The following TCF12 variants were observed in gnomAD, a reference collection of about 807,000 sequenced individuals.
TCF12 encodes the protein DNA-binding protein HTF4.
Under a neutral mutation model 86.0 loss-of-function variants are expected in TCF12, and 45 were observed. The ratio of observed to expected loss-of-function variants is 0.52; its 90% CI spans 0.41 to 0.67. TCF12 has a LOEUF of 0.67. TCF12 is among the 30% of genes least tolerant of loss of function. The pLI is 0.00. For synonymous variants in TCF12, 330 were observed against 299.6 expected (o/e 1.10, Z -1.05); for missense variants, 881 against 859.9 (o/e 1.02, Z -0.31).
intron 18 of TCF12, among the ~76,000 whole-genome samples, chr15:57,270,788 C>T (rs61996956): frequency 2.6e-3 from 391 of 152,298 alleles, no homozygotes; most frequent in Non-Finnish European, 4.5e-3. Flanking sequence ...CTATTCCTTT[C>T]TGTCTGTTAG....
chr15:57,215,436 T>C (rs2058292858), intron 8 of TCF12, among the ~76,000 whole-genome samples: 1 of 152,186 alleles, frequency 6.6e-6, no homozygotes, highest in African/African-American at 2.4e-5. Context: ...TAGGAAAATA[T>C]AGTGTTCATT....
chr15:57,062,197 C>A (rs1277934334), intron 3 of TCF12, among the ~76,000 whole-genome samples: 2 of 152,076 alleles, frequency 1.3e-5, no homozygotes, highest in Admixed American at 6.6e-5. Context: ...ACCTTGTGAT[C>A]TGCCCGCCTC....
At chr15:57,153,722 T>C (rs2053920802) in intron 5 of TCF12, among the ~76,000 whole-genome samples, 2 of 152,134 alleles carry the variant, frequency 1.3e-5, no homozygotes, top group African/African-American at 4.8e-5. Context: ...TTAAATGGAA[T>C]GCTCAATCTA....
chr15:57,283,103 C>T (rs1444376273), intron 20 of TCF12, among the ~76,000 whole-genome samples: 4 of 152,188 alleles, frequency 2.6e-5, no homozygotes, highest in African/African-American at 9.7e-5. Context: ...CACTTGCAAG[C>T]ACATCAGTTA....
intron 8 of TCF12, among the ~76,000 whole-genome samples, chr15:57,218,089 T>C (rs2058407203): frequency 6.6e-6 from 1 of 152,196 alleles, no homozygotes; most frequent in Non-Finnish European, 1.5e-5. Flanking sequence ...TTAGTTTCGT[T>C]ACTATAATTT....
At chr15:57,083,090 A>G (rs867538638) in intron 4 of TCF12, among the ~76,000 whole-genome samples, 9 of 152,356 alleles carry the variant, frequency 5.9e-5, no homozygotes, top group African/African-American at 2.2e-4. Flanking sequence ...GTGATGCTAT[A>G]TATCATTTAG....
At chr15:56,936,945 G>T (rs2060495717) in intron 3 of TCF12, among the ~76,000 whole-genome samples, 1 of 152,076 alleles carries the variant, frequency 6.6e-6, no homozygotes, top group Non-Finnish European at 1.5e-5. Context: ...TCTTGTTTTG[G>T]CTGTGATGGC....
chr15:57,153,071 C>T (rs1411433124), intron 5 of TCF12, among the ~76,000 whole-genome samples: 1 of 152,100 alleles, frequency 6.6e-6, no homozygotes, highest in Non-Finnish European at 1.5e-5. Flanking sequence ...ACTGTGTCAA[C>T]CCGGAATTAT....
At chr15:57,139,716 G>C (rs2052816416) in intron 5 of TCF12, among the ~76,000 whole-genome samples, 1 of 151,962 alleles carries the variant, frequency 6.6e-6, no homozygotes, top group Non-Finnish European at 1.5e-5. Flanking sequence ...AAGTATGCTT[G>C]CACTAATGTT....
chr15:57,219,483 TGTGCATTAGCTACAAATA>T, intron 8 of TCF12: 1 of 1,601,498 alleles, frequency 6.2e-7, no homozygotes, highest in East Asian at 2.2e-5. Flanking sequence ...AGAGAGGCTG[TGTGCATTAGCTACAAATA>T]GTAACATTTT....
chr15:57,032,467 C>A (rs1338467124), intron 3 of TCF12, among the ~76,000 whole-genome samples: 1 of 152,172 alleles, frequency 6.6e-6, no homozygotes, highest in Non-Finnish European at 1.5e-5. Flanking sequence ...TTAACTCTTT[C>A]ATACAGGCTG....
intron 18 of TCF12, among the ~76,000 whole-genome samples, chr15:57,270,945 C>G (rs539268891): frequency 6.6e-6 from 1 of 152,276 alleles, no homozygotes; most frequent in South Asian, 2.1e-4. Flanking sequence ...GAAGCTTCGT[C>G]CCAGAGGGGC....
intron 5 of TCF12, among the ~76,000 whole-genome samples, chr15:57,093,608 T>C (rs1334368709): frequency 6.6e-6 from 1 of 152,216 alleles, no homozygotes; most frequent in African/African-American, 2.4e-5. Context: ...GGTATGCATG[T>C]CAGTCAGTTG....
chr15:57,280,076 G>A (rs2061615022), intron 19 of TCF12, among the ~76,000 whole-genome samples: 1 of 151,806 alleles, frequency 6.6e-6, no homozygotes, highest in Admixed American at 6.6e-5. Flanking sequence ...TGTATTTTTA[G>A]TAGAGATCGG....
intron 6 of TCF12, among the ~76,000 whole-genome samples, chr15:57,178,348 T>G (rs2056103137): frequency 6.6e-6 from 1 of 152,232 alleles, no homozygotes; most frequent in African/African-American, 2.4e-5. Context: ...TAATGTTTCA[T>G]TTTATAAAGT....
rs373104658 is a variant in TCF12, at chr15:57,232,445, G to A, written c.825+15G>A. On this transcript the variant is annotated intron_variant, in intron 10 of 20. Transcript: ENST00000333725. ...ATGACCGCTTGGTAGGCTATAACAC[G>A]TGACTAGGGTACAGCAACACTTTGT... The A allele has an allele frequency of 6.3e-6, 10 of 1,586,982 alleles. No individual in the cohort carries two copies. The highest frequency in any genetic ancestry group is 4.1e-5 in the African/African-American group (3 of 73,312).
intron 16 of TCF12, among the ~76,000 whole-genome samples, chr15:57,254,328 A>G (rs977770681): frequency 2.6e-5 from 4 of 152,086 alleles, no homozygotes; most frequent in Admixed American, 6.5e-5. Flanking sequence ...TTGGTTCCAG[A>G]TTTTCACACT....
intron 3 of TCF12, among the ~76,000 whole-genome samples, chr15:56,956,563 G>T (rs376578368): frequency 2.0e-5 from 3 of 152,158 alleles, no homozygotes. Context: ...CTTTTCTGCA[G>T]TAGTGATCTG....
At chr15:57,252,692 CA>C (rs2060171387) in intron 15 of TCF12, among the ~76,000 whole-genome samples, 200 bp downstream of exon 15, 1 of 152,098 alleles carries the variant, frequency 6.6e-6, no homozygotes. Flanking sequence ...GCTCTACTGG[CA>C]TGTGCTTTTG....
Sources: allele counts gnomAD v4.1 joint callset (sites outside exome capture counted in the v4.1 genomes callset), GRCh38; gene constraint gnomAD v4.1.1; transcripts MANE v1.5; gene names NCBI Gene and HGNC (gene_info 2026-07-23, HGNC 2026-07-21).